The following WWOX variants were observed in gnomAD, a reference collection of about 807,000 sequenced individuals.
WWOX encodes the protein WW domain containing oxidoreductase.
In WWOX, 69 loss-of-function variants were observed where a neutral mutation model predicts 46.2. The observed-to-expected ratio is 1.49, with a 90% CI of 1.23 to 1.82. WWOX has a LOEUF of 1.82. Among genes scored for constraint, WWOX ranks in the 40% most tolerant of loss-of-function variants. WWOX has a pLI of 0.00. For missense variants in WWOX, 919 were observed against 542.6 expected (o/e 1.69, Z -6.89); for synonymous variants, 359 against 202.6 (o/e 1.77, Z -6.56).
chr16:78,886,453 C>G (rs1332411447), intron 8 of WWOX, among the ~76,000 whole-genome samples: 1 of 151,650 alleles, frequency 6.6e-6, no homozygotes, highest in African/African-American at 2.4e-5. Flanking sequence ...GACATTTGCT[C>G]CCAATTTTAA....
chr16:78,849,530 T>C (rs984459188), intron 8 of WWOX, among the ~76,000 whole-genome samples: 6 of 132,548 alleles, frequency 4.5e-5, no homozygotes, highest in African/African-American at 1.7e-4. Flanking sequence ...GCGGAGATCG[T>C]GACACTGCAC....
intron 8 of WWOX, among the ~76,000 whole-genome samples, chr16:79,180,802 A>C (rs1407709510): frequency 6.6e-6 from 1 of 152,156 alleles, no homozygotes; most frequent in Non-Finnish European, 1.5e-5. Flanking sequence ...CTCTGAATAG[A>C]AACCTAATAT....
chr16:78,396,734 C>G (rs149052284), intron 6 of WWOX, among the ~76,000 whole-genome samples: 7 of 152,188 alleles, frequency 4.6e-5, no homozygotes, highest in East Asian at 1.9e-4. Flanking sequence ...TATTTTTGCT[C>G]TCATCAGCCA....
intron 8 of WWOX, among the ~76,000 whole-genome samples, chr16:78,449,329 A>T (rs188791685): frequency 1.6e-4 from 24 of 152,252 alleles, no homozygotes; most frequent in Admixed American, 5.9e-4. Flanking sequence ...CTTTTGCCAT[A>T]TTCTTTTTGT....
rs931043553 is a variant in WWOX at position 79,100,804 on chromosome 16, A to G, written c.1057-110804A>G. On this transcript the variant is annotated intron_variant, in intron 8 of 8. Transcript: ENST00000566780. ...TTCTTCCCTTTGGAACATACAATGC[A>G]TTTTCCAGTCTCCCCGTGGAGCACA... Among the ~76,000 whole-genome samples the G allele has an allele frequency of 5.9e-5, 9 of 152,004 alleles. No individual in the cohort carries two copies. The East Asian group carries it at 1.5e-3, about 26-fold the overall frequency.
intron 8 of WWOX, among the ~76,000 whole-genome samples, chr16:78,606,739 T>TC (rs1181185119): frequency 2.0e-5 from 3 of 150,594 alleles, no homozygotes; most frequent in Admixed American, 6.6e-5. Context: ...TTTTTTTTTT[T>TC]TTTAAATAGG....
chr16:78,929,003 A>T lies in WWOX; in HGVS notation c.1057-282605A>T, dbSNP rs563277235. Among the ~76,000 whole-genome samples the T allele has an allele frequency of 2.2e-4, 33 of 152,334 alleles. No homozygotes were observed. The Middle Eastern group carries it at 0.01, about 47-fold the overall frequency. On this transcript the variant is annotated intron_variant, in intron 8 of 8. Transcript: ENST00000566780. Reference sequence around the variant, plus strand: ...TATAAATGTACATTTCTGTATATATAATATACGTTCACATATAGTTACATT... The same window carrying T: ...TATAAATGTACATTTCTGTATATATTATATACGTTCACATATAGTTACATT...
At chr16:78,124,423 C>G (rs577389347) in intron 4 of WWOX, 1 of 152,284 alleles carries the variant, frequency 6.6e-6, no homozygotes, top group East Asian at 1.9e-4. Context: ...TGGTATGACA[C>G]AGACCTTCTT....
At chr16:78,894,088 G>T in intron 8 of WWOX, among the ~76,000 whole-genome samples, 1 of 147,436 alleles carries the variant, frequency 6.8e-6, no homozygotes, top group Non-Finnish European at 1.5e-5. Context: ...GCCCAGGAAG[G>T]AGTGCAATAG....
At chr16:79,071,154 C>A (rs896600961) in intron 8 of WWOX, among the ~76,000 whole-genome samples, 3 of 152,186 alleles carry the variant, frequency 2.0e-5, no homozygotes, top group African/African-American at 7.2e-5. Flanking sequence ...AGTTTTTAAT[C>A]AAATGTATGA....
intron 8 of WWOX, among the ~76,000 whole-genome samples, chr16:79,025,818 G>A (rs141507552): frequency 0.032 from 523 of 16,238 alleles, 8 homozygotes; most frequent in African/African-American, 0.085. Context: ...TTTTTTTTGA[G>A]ACGGAGTTTT....
At chr16:78,760,149 G>T (rs2049755473) in intron 8 of WWOX, among the ~76,000 whole-genome samples, 1 of 152,142 alleles carries the variant, frequency 6.6e-6, no homozygotes, top group Non-Finnish European at 1.5e-5. Flanking sequence ...ATGGCGGAAG[G>T]CAAAAGGCAC....
chr16:78,780,080 T>C (rs1217258739), intron 8 of WWOX, among the ~76,000 whole-genome samples: 3 of 152,160 alleles, frequency 2.0e-5, no homozygotes, highest in Non-Finnish European at 2.9e-5. Context: ...AAATTAATGG[T>C]GTGGCCATGG....
chr16:79,106,570 T>C (rs2049311356), intron 8 of WWOX: 2 of 150,264 alleles, frequency 1.3e-5, no homozygotes, highest in Admixed American at 1.3e-4. Flanking sequence ...AAAATGACTC[T>C]TTCTTAAAAT....
At chr16:78,234,591 C>G (rs938925605) in intron 5 of WWOX, among the ~76,000 whole-genome samples, 5 of 152,136 alleles carry the variant, frequency 3.3e-5, no homozygotes, top group African/African-American at 1.2e-4. Context: ...AACTCCTAGA[C>G]TTGAATAAGG....
At chr16:79,012,855 C>T (rs1011400217) in intron 8 of WWOX, among the ~76,000 whole-genome samples, 1 of 152,190 alleles carries the variant, frequency 6.6e-6, no homozygotes, top group Non-Finnish European at 1.5e-5. Context: ...GCAGACTGGG[C>T]TGCTGTTTGT....
intron 8 of WWOX, among the ~76,000 whole-genome samples, chr16:79,178,142 A>C (rs1418978538): frequency 6.6e-6 from 1 of 152,142 alleles, no homozygotes; most frequent in Non-Finnish European, 1.5e-5. Context: ...TCAACGCTTG[A>C]ATTTTTTGAG....
At chr16:78,172,605 TC>T (rs1246661563) in intron 5 of WWOX, among the ~76,000 whole-genome samples, 2 of 151,914 alleles carry the variant, frequency 1.3e-5, no homozygotes, top group African/African-American at 2.4e-5. Context: ...TTTTTTTTTT[TC>T]CTGGCCACCG....
chr16:79,053,577 G>A (rs966608594), intron 8 of WWOX, among the ~76,000 whole-genome samples: 2 of 152,164 alleles, frequency 1.3e-5, no homozygotes, highest in South Asian at 2.1e-4. Flanking sequence ...TAGAATTAAA[G>A]CAACTTGGAA....
Sources: allele counts gnomAD v4.1 joint callset (sites outside exome capture counted in the v4.1 genomes callset), GRCh38; gene constraint gnomAD v4.1.1; transcripts MANE v1.5; gene names NCBI Gene and HGNC (gene_info 2026-07-23, HGNC 2026-07-21).